The following NLRC5 variants were observed in gnomAD, a reference collection of about 807,000 sequenced individuals.
The protein encoded by NLRC5 is protein NLRC5.
In NLRC5, 114 loss-of-function variants were observed where a neutral mutation model predicts 206.9. The observed-to-expected ratio is 0.55, with a 90% CI of 0.47 to 0.64. NLRC5 has a LOEUF of 0.64. Among genes scored for constraint, NLRC5 ranks in the 30% least tolerant of loss-of-function variants. The pLI is 0.00. For synonymous variants in NLRC5, 952 were observed against 962.8 expected (o/e 0.99, Z 0.21); for missense variants, 2,008 against 2,305.5 (o/e 0.87, Z 2.64).
At chr16:57,063,079 G>A (rs1375804082) in intron 32 of NLRC5, among the ~76,000 whole-genome samples, 6 of 149,294 alleles carry the variant, frequency 4.0e-5, no homozygotes, top group African/African-American at 7.4e-5. Flanking sequence ...ATGTTGCAGC[G>A]TGTGTCACTG....
At chr16:57,081,428 G>A (rs1157356885) in intron 47 of NLRC5, 99 bp from the exon 48 acceptor site, 3 of 1,146,992 alleles carry the variant, frequency 2.6e-6, no homozygotes, top group African/African-American at 3.1e-5. Context: ...GGGAGACTGT[G>A]TCCCCTGACC....
At chr16:57,027,250 G>A (rs560268334) in intron 6 of NLRC5, among the ~76,000 whole-genome samples, 1 of 152,278 alleles carries the variant, frequency 6.6e-6, no homozygotes, top group Admixed American at 6.5e-5. Context: ...TCAATCATGG[G>A]CTGAAACCAC....
At chr16:57,022,382 G>T (rs1567543464) in intron 4 of NLRC5, 67 bp downstream of exon 4, 1 of 1,354,024 alleles carries the variant, frequency 7.4e-7, no homozygotes, top group East Asian at 2.4e-5. Context: ...TTCCAAGCTG[G>T]AGGAGGCTGT....
chr16:57,026,077 C>G lies in NLRC5; in HGVS notation c.1134C>G (p.His378Gln), dbSNP rs1341405132. 1.1e-5 allele frequency: 17 copies of G among 1,614,026 alleles called. No homozygotes were observed. The highest frequency in any genetic ancestry group is 1.4e-5 in the Non-Finnish European group (16 of 1,180,054). The change falls in exon 6 of 49, where the codon CAC becomes CAG. Residue 378 changes from histidine (H) to glutamine (Q), a missense_variant. Physicochemically the swap from His to Gln is conservative, Grantham distance 24 (BLOSUM62 0). Transcript: ENST00000688547. ...CACGGGTGGAAGAATATGTGAATCACTTCTTCAGCGCCCAGCCATCGCGGG... is the reference window on the plus strand; with the variant it reads ...CACGGGTGGAAGAATATGTGAATCAGTTCTTCAGCGCCCAGCCATCGCGGG... ...DGPRVEEYVN[H>Q]FFSAQPSREG...
At chr16:56,991,582 A>G (rs1232052177) in intron 1 of NLRC5, among the ~76,000 whole-genome samples, 1 of 148,720 alleles carries the variant, frequency 6.7e-6, no homozygotes, top group African/African-American at 2.5e-5. Flanking sequence ...GGGTTTCACT[A>G]TGTTCGCCAG....
rs66917392 is a variant in NLRC5, at chr16:57,030,614, AGATGGATGGATGGATGGATGGATG to A, written c.2417+559_2417+582del. ...TGAAAAGATGGATAGGTGTGTGAAA[AGATGGATGGATGGATGGATGGATG>A]GATGGATGGATGGATGGATGGATGG... On this transcript the variant is annotated intron_variant, in intron 10 of 48. Transcript: ENST00000688547. Among the ~76,000 whole-genome samples, 8 of 141,244 alleles carry A rather than the reference AGATGGATGGATGGATGGATGGATG, an allele frequency of 5.7e-5. No homozygotes were observed. In the South Asian group the frequency reaches 7.2e-4, roughly 13 times the overall value. The allele number at this position is 141,244 out of a possible 152,430, so 92.7% of individuals were successfully genotyped here.
rs199476300 is a variant in NLRC5, at chr16:57,042,165, G to A, written c.3113+100G>A. ...CTGGGGTTATTGTAAAGATTAAATC[G>A]GAAAATGCATGAAAATTGCCCCTAA... On this transcript the variant is annotated intron_variant, in intron 19 of 48. Coordinates refer to ENST00000688547, the MANE Select transcript of NLRC5 (RefSeq NM_001384950.1). The A allele has an allele frequency of 3.3e-4, 241 of 728,422 alleles. 1 individual carries two copies. In the Middle Eastern group the frequency reaches 3.8e-3, roughly 11 times the overall value. The allele number at this position is 728,422 out of a possible 1,614,324, so 45.1% of individuals were successfully genotyped here.
chr16:57,003,241 G>A (rs1416682840), intron 1 of NLRC5, among the ~76,000 whole-genome samples: 1 of 151,924 alleles, frequency 6.6e-6, no homozygotes, highest in Non-Finnish European at 1.5e-5. Context: ...GTAGAGACGA[G>A]GTTTCCTCAT....
chr16:57,026,305 C>A lies in NLRC5; in HGVS notation c.1362C>A (p.Thr454=). The A allele has an allele frequency of 1.2e-6, 2 of 1,614,048 alleles. No homozygotes were observed. Among genetic ancestry groups the A allele is most frequent in the Non-Finnish European group, 8.5e-7 (1 of 1,180,038 alleles). Residue 454 remains threonine (T), a synonymous_variant, in exon 6 of 49, where the codon ACC becomes ACA. Transcript: ENST00000688547. ...LALSPPGHLP[T]SSLLDLGEVA... ...TCAGCCCCCCTGGGCACTTGCCCAC[C>A]TCGTCCCTACTGGACCTGGGGGAGG...
chr16:57,083,023 A>G lies in NLRC5; in HGVS notation c.*495A>G, dbSNP rs1444532660. ...CAAGATCTAATTTATTAATTTTTAAAGCAAATACATATTTATAGATTGTGT... is the reference window on the plus strand; with the variant it reads ...CAAGATCTAATTTATTAATTTTTAAGGCAAATACATATTTATAGATTGTGT... On this transcript the variant is annotated 3_prime_UTR_variant, in exon 49 of 49. Transcript: ENST00000688547. The G allele has an allele frequency of 6.5e-6, 1 of 152,750 alleles. No individual in the cohort carries two copies. The highest frequency in any genetic ancestry group is 1.5e-5 in the Non-Finnish European group (1 of 68,398). The allele number at this position is 152,750 out of a possible 1,614,324, so 9.5% of individuals were successfully genotyped here.
intron 43 of NLRC5, among the ~76,000 whole-genome samples, chr16:57,078,463 C>CTTTTTTTTTTTTTTTTTT (rs1567650358): frequency 1.6e-5 from 2 of 123,886 alleles, no homozygotes; most frequent in African/African-American, 7.2e-5. Context: ...GTGCTGGGAC[C>CTTTTTTTTTTTTTTTTTT]TTGTTTTTTT....
chr16:57,061,441 C>A lies in NLRC5; in HGVS notation c.3987-7C>A. ...ACCCAGGCTCTGCCCTGGCTTTCTGCCCTCAGGCTAAGTGAGTGCAGCTTC... is the reference window on the plus strand; with the variant it reads ...ACCCAGGCTCTGCCCTGGCTTTCTGACCTCAGGCTAAGTGAGTGCAGCTTC... On this transcript the variant is annotated splice_polypyrimidine_tract_variant and splice_region_variant and intron_variant, in intron 30 of 48. Transcript: ENST00000688547. 1.2e-6 allele frequency: 2 copies of A among 1,610,472 alleles called. No individual in the cohort carries two copies. Among genetic ancestry groups the A allele is most frequent in the Non-Finnish European group, 8.5e-7 (1 of 1,179,710 alleles).
At chr16:57,054,561 A>G (rs2065347892) in intron 24 of NLRC5, among the ~76,000 whole-genome samples, 190 bp from the exon 25 acceptor site, 1 of 152,152 alleles carries the variant, frequency 6.6e-6, no homozygotes, top group Non-Finnish European at 1.5e-5. Context: ...CACACAGCCA[A>G]TAAGCAGAAC....
At position 57,065,411 on chromosome 16, in the gene NLRC5, C is replaced by T. The variant is rs2066975927; in HGVS notation, c.4241+113C>T. 64 of 659,952 alleles carry T rather than the reference C, an allele frequency of 9.7e-5. 2 individuals are homozygous for T. The South Asian group carries it at 2.0e-3, about 21-fold the overall frequency. 40.9% of individuals were successfully genotyped at this position (659,952 alleles called of 1,614,324 possible). A position where few individuals can be genotyped will look rare whatever the true frequency, so the allele number is the denominator to read the frequency against. ...AATAGCTGTGTCACCAGCTAGTTTTCCATGTCCCCAGGGTAGCAGGAGCTC... is the reference window on the plus strand; with the variant it reads ...AATAGCTGTGTCACCAGCTAGTTTTTCATGTCCCCAGGGTAGCAGGAGCTC... On this transcript the variant is annotated intron_variant, in intron 33 of 48. Coordinates refer to ENST00000688547, the MANE Select transcript of NLRC5 (RefSeq NM_001384950.1).
intron 1 of NLRC5, among the ~76,000 whole-genome samples, chr16:57,011,720 CAAAA>C (rs34446834): frequency 1.2e-4 from 16 of 135,810 alleles, no homozygotes; most frequent in Non-Finnish European, 1.3e-4. Context: ...GACCCTGTGT[CAAAA>C]AAAAAAAAAA....
At chr16:57,023,607 A>T (rs565300103) in intron 4 of NLRC5, among the ~76,000 whole-genome samples, 178 bp from the exon 5 acceptor site, 29 of 152,272 alleles carry the variant, frequency 1.9e-4, no homozygotes, top group Non-Finnish European at 3.8e-4. Context: ...TCCACTCTGC[A>T]AATAGAAGCT....
At chr16:57,064,974 A>T (rs954980296) in intron 32 of NLRC5, among the ~76,000 whole-genome samples, 2 of 152,174 alleles carry the variant, frequency 1.3e-5, no homozygotes, top group African/African-American at 2.4e-5. Flanking sequence ...AATATCATTT[A>T]AAAAATAATA....
intron 1 of NLRC5, among the ~76,000 whole-genome samples, chr16:57,014,372 T>A (rs1449143554): frequency 6.6e-6 from 1 of 152,240 alleles, no homozygotes; most frequent in African/African-American, 2.4e-5. Context: ...GATGGTCACC[T>A]TGTTATATAT....
At chr16:57,037,046 C>T (rs1035512771) in intron 14 of NLRC5, 149 bp from the exon 15 acceptor site, 3 of 700,064 alleles carry the variant, frequency 4.3e-6, no homozygotes, top group Non-Finnish European at 5.2e-6. Context: ...CTCACACGCA[C>T]CAGAATCCTT....
Sources: gnomAD v4.1 joint callset for allele counts (sites outside exome capture counted in the v4.1 genomes callset) on GRCh38, gnomAD v4.1.1 for gene constraint, MANE v1.5 for transcripts, NCBI Gene and HGNC (gene_info 2026-07-23, HGNC 2026-07-21) for gene names.